NRG1: variants seen among roughly 807,000 people sequenced by gnomAD.
NRG1 encodes neuregulin 1.
In NRG1, 18 loss-of-function variants were observed where a neutral mutation model predicts 63.8. The observed-to-expected ratio is 0.28, with a 90% CI of 0.19 to 0.42. The LOEUF (loss-of-function observed/expected upper bound fraction) is 0.42. Among genes scored for constraint, NRG1 ranks in the 10% least tolerant of loss-of-function variants. NRG1 has a pLI of 1.00. For missense variants in NRG1, 762 were observed against 814.7 expected, an observed-to-expected ratio of 0.94 and a Z score of 0.79; for synonymous variants, 302 against 301.3, an observed-to-expected ratio of 1.00 and a Z score of -0.02.
At chr8:32,102,896 T>C (rs1450746570) in intron 1 of NRG1, among the ~76,000 whole-genome samples, 10 of 152,202 alleles carry the variant, frequency 6.6e-5, no homozygotes, top group Non-Finnish European at 1.3e-4. Context: ...TTTTTAATTT[T>C]TAATTTCTAA....
chr8:32,335,831 T>C lies in NRG1; in HGVS notation c.38-259997T>C, dbSNP rs529630308. Among the ~76,000 whole-genome samples the C allele has an allele frequency of 1.9e-4, 29 of 152,038 alleles. 1 individual carries two copies. The highest frequency in any genetic ancestry group is 6.0e-4 in the African/African-American group (25 of 41,474). Reference sequence around the variant, plus strand: ...CCGTCTCCTCGCTGTGCTGAGAGGGTCTTGGGTCTCACAAAGCAACACACA... The same window carrying C: ...CCGTCTCCTCGCTGTGCTGAGAGGGCCTTGGGTCTCACAAAGCAACACACA... On this transcript the variant is annotated intron_variant, in intron 1 of 10. Coordinates refer to the NRG1 transcript ENST00000519301.
chr8:32,446,096 G>C (rs6468104), intron 1 of NRG1, among the ~76,000 whole-genome samples: 1 of 152,134 alleles, frequency 6.6e-6, no homozygotes, highest in South Asian at 2.1e-4. Flanking sequence ...CTTTAACAAC[G>C]GTCTCTGGAG....
intron 1 of NRG1, among the ~76,000 whole-genome samples, chr8:31,869,252 A>C (rs1829271304): frequency 6.6e-6 from 1 of 152,136 alleles, no homozygotes; most frequent in Non-Finnish European, 1.5e-5. Context: ...ACTGCAATTC[A>C]GTCCAAGACA....
intron 5 of NRG1, among the ~76,000 whole-genome samples, chr8:32,659,150 T>TC (rs200850764): frequency 1.2e-3 from 157 of 136,204 alleles, no homozygotes; most frequent in Middle Eastern, 6.9e-3. Flanking sequence ...TCTTTTCTTT[T>TC]TTTTTTTTTT....
intron 1 of NRG1, among the ~76,000 whole-genome samples, chr8:32,385,197 T>TC (rs1436347849): frequency 1.3e-5 from 2 of 151,900 alleles, no homozygotes; most frequent in Non-Finnish European, 2.9e-5. Context: ...TTTTTTTTTT[T>TC]CTCTATTTTT....
chr8:32,360,407 A>C (rs1177333035), intron 1 of NRG1, among the ~76,000 whole-genome samples: 1 of 152,200 alleles, frequency 6.6e-6, no homozygotes, highest in Admixed American at 6.5e-5. Flanking sequence ...TCTATAGAAA[A>C]GATTTTACAA....
At chr8:31,980,085 G>T (rs1808831289) in intron 1 of NRG1, among the ~76,000 whole-genome samples, 1 of 152,054 alleles carries the variant, frequency 6.6e-6, no homozygotes, top group Non-Finnish European at 1.5e-5. Context: ...TTACTGAGAA[G>T]TAACTCAGCC....
intron 5 of NRG1, among the ~76,000 whole-genome samples, chr8:32,689,866 C>G (rs1186417247): frequency 6.6e-6 from 1 of 152,124 alleles, no homozygotes; most frequent in Non-Finnish European, 1.5e-5. Flanking sequence ...ATGTCCTAGT[C>G]AGATTCAGTC....
At chr8:32,453,360 T>G (rs1939771646) in intron 1 of NRG1, among the ~76,000 whole-genome samples, 1 of 152,198 alleles carries the variant, frequency 6.6e-6, no homozygotes, top group Non-Finnish European at 1.5e-5. Context: ...AAATGATGTG[T>G]CAGTTCAGAA....
rs1030017037 is a variant in NRG1 at position 31,697,256 on chromosome 8, A to G, written c.37+57825A>G. Reference sequence around the variant, plus strand: ...TGAATCATTGGAGACCAATGATCCTATAACTGCATTTGAAATCCTTCAGCT... The same window carrying G: ...TGAATCATTGGAGACCAATGATCCTGTAACTGCATTTGAAATCCTTCAGCT... On this transcript the variant is annotated intron_variant, in intron 1 of 10. Coordinates refer to the NRG1 transcript ENST00000519301. Among the ~76,000 whole-genome samples, 4 of 152,314 alleles carry G rather than the reference A, an allele frequency of 2.6e-5. No individual in the cohort carries two copies. The South Asian group carries it at 6.2e-4, about 24-fold the overall frequency.
intron 1 of NRG1, among the ~76,000 whole-genome samples, chr8:32,257,080 A>G (rs1849808857): frequency 6.6e-6 from 1 of 152,022 alleles, no homozygotes; most frequent in Non-Finnish European, 1.5e-5. Context: ...CTTTATTTAC[A>G]CTGTGAGGGG....
At chr8:32,500,224 T>A (rs1827701031) in intron 1 of NRG1, among the ~76,000 whole-genome samples, 2 of 152,188 alleles carry the variant, frequency 1.3e-5, no homozygotes, top group African/African-American at 4.8e-5. Context: ...TAATAAGGAC[T>A]CTCAGAATAG....
intron 1 of NRG1, among the ~76,000 whole-genome samples, chr8:32,066,682 G>C (rs143096899): frequency 0.022 from 3,277 of 152,206 alleles, 39 homozygotes; most frequent in South Asian, 0.04. Context: ...CTCTTTTTTG[G>C]TTCCATAGGA....
intron 1 of NRG1, among the ~76,000 whole-genome samples, chr8:31,954,144 C>A (rs1803968380): frequency 6.6e-6 from 1 of 152,140 alleles, no homozygotes; most frequent in South Asian, 2.1e-4. Context: ...CCTCTATACC[C>A]CATCTTTTGT....
chr8:31,925,279 T>C (rs1225686901), intron 1 of NRG1, among the ~76,000 whole-genome samples: 1 of 150,928 alleles, frequency 6.6e-6, no homozygotes, highest in African/African-American at 2.4e-5. Flanking sequence ...TTATTAGGTC[T>C]ATAAACATTA....
rs531208355 is a variant in NRG1 at position 32,053,421 on chromosome 8, G to A, written c.37+413990G>A. On this transcript the variant is annotated intron_variant, in intron 1 of 10. Coordinates refer to the NRG1 transcript ENST00000519301. The stretch of plus-strand genomic sequence containing the variant: ...AATAAGAAGAGCCCCCAGGAAGTCC[G>A]GATTGAGCTTTATGCTCTGGGACAC... 1.1e-4 allele frequency among the ~76,000 whole-genome samples: 16 copies of A among 152,260 alleles called. No homozygotes were observed. The East Asian group carries it at 2.9e-3, about 28-fold the overall frequency.
chr8:32,075,283 A>G (rs1452412096), intron 1 of NRG1, among the ~76,000 whole-genome samples: 1 of 114,600 alleles, frequency 8.7e-6, no homozygotes, highest in African/African-American at 3.3e-5. Flanking sequence ...CTAACAAGGA[A>G]GTTATTAAGA....
intron 1 of NRG1, among the ~76,000 whole-genome samples, chr8:31,743,836 T>G (rs1452024994): frequency 6.6e-6 from 1 of 151,980 alleles, no homozygotes; most frequent in Non-Finnish European, 1.5e-5. Context: ...TTTATATGAT[T>G]TCCAACCTTC....
intron 1 of NRG1, among the ~76,000 whole-genome samples, chr8:32,389,091 G>A (rs753059620): frequency 3.3e-5 from 5 of 151,948 alleles, no homozygotes; most frequent in Non-Finnish European, 7.4e-5. Context: ...TCTTTCTATC[G>A]CCAAATTGTC....
Sources: allele counts gnomAD v4.1 joint callset (sites outside exome capture counted in the v4.1 genomes callset), GRCh38; gene constraint gnomAD v4.1.1; transcripts MANE v1.5; gene names NCBI Gene and HGNC (gene_info 2026-07-23, HGNC 2026-07-21).